Variants in ENOX1 observed in about 807,000 individuals in gnomAD.
The protein encoded by ENOX1 is candidate growth-related and time keeping constitutive hydroquinone (NADH) oxidase.
In ENOX1, 42 loss-of-function variants were observed where a neutral mutation model predicts 82.5. The ratio of observed to expected loss-of-function variants is 0.51; its 90% CI spans 0.40 to 0.66. The LOEUF (loss-of-function observed/expected upper bound fraction) is 0.66, where lower values mean the gene tolerates loss of function less well. Ranked by LOEUF, ENOX1 falls within the 30% of genes least tolerant of loss-of-function variation. ENOX1 has a pLI of 0.00. For missense variants in ENOX1, 608 were observed against 811.6 expected (o/e 0.75, Z 3.05); for synonymous variants, 271 against 282.2 (o/e 0.96, Z 0.40).
At chr13:43,514,785 A>G (rs78864735) in intron 2 of ENOX1, among the ~76,000 whole-genome samples, 2,101 of 152,198 alleles carry the variant, frequency 0.014, 42 homozygotes, top group African/African-American at 0.047. Context: ...CCCATCACCT[A>G]TGTCTGCTGA....
At chr13:43,724,796 C>T (rs567323271) in intron 1 of ENOX1, among the ~76,000 whole-genome samples, 4 of 152,274 alleles carry the variant, frequency 2.6e-5, no homozygotes, top group South Asian at 2.1e-4. Flanking sequence ...CGGCTCTTGC[C>T]TGTCTTTCCC....
At chr13:43,675,944 C>G (rs1427249261) in intron 1 of ENOX1, among the ~76,000 whole-genome samples, 1 of 152,176 alleles carries the variant, frequency 6.6e-6, no homozygotes, top group African/African-American at 2.4e-5. Flanking sequence ...ACCAAAAGAT[C>G]GTTAACACCA....
intron 2 of ENOX1, among the ~76,000 whole-genome samples, chr13:43,596,501 A>G (rs1015994674): frequency 2.0e-5 from 3 of 152,258 alleles, no homozygotes; most frequent in African/African-American, 7.2e-5. Flanking sequence ...GCTTTTAGAC[A>G]TGGAAGTCCT....
chr13:43,244,852 C>T (rs543569909), intron 14 of ENOX1, among the ~76,000 whole-genome samples: 3 of 152,314 alleles, frequency 2.0e-5, no homozygotes, highest in African/African-American at 4.8e-5. Flanking sequence ...GTGCTGTTGG[C>T]TCAGTTCTGC....
intron 5 of ENOX1, among the ~76,000 whole-genome samples, chr13:43,392,443 G>A (rs887993675): frequency 6.6e-6 from 1 of 152,138 alleles, no homozygotes; most frequent in African/African-American, 2.4e-5. Flanking sequence ...CTTTGGGAGG[G>A]CGAGGCGGGT....
At chr13:43,519,984 T>C (rs983642717) in intron 2 of ENOX1, among the ~76,000 whole-genome samples, 1 of 152,272 alleles carries the variant, frequency 6.6e-6, no homozygotes, top group South Asian at 2.1e-4. Context: ...CCTTGCTTTT[T>C]AAGTATTTAC....
intron 1 of ENOX1, among the ~76,000 whole-genome samples, chr13:43,713,423 CT>C (rs1343147420): frequency 6.6e-6 from 1 of 152,064 alleles, no homozygotes; most frequent in Non-Finnish European, 1.5e-5. Context: ...TGATGCTGGC[CT>C]CATAAAATGA....
rs1009391901 is a variant in ENOX1, at chr13:43,307,044, CT to C, written c.1262-8515del. 1.1e-3 allele frequency among the ~76,000 whole-genome samples: 165 copies of C among 152,202 alleles called. 1 individual carries two copies. The highest frequency in any genetic ancestry group is 2.1e-4 in the Non-Finnish European group (14 of 68,002). On this transcript the variant is annotated intron_variant, in intron 11 of 16. Transcript: ENST00000690772. ...TTGCAATAATGGGTTGAACAGAAAA[CT>C]TTTTTTGAAAGTTACTTCCGCCTTA...
intron 7 of ENOX1, among the ~76,000 whole-genome samples, chr13:43,359,089 G>A (rs1466169934): frequency 5.0e-5 from 7 of 140,000 alleles, no homozygotes; most frequent in Admixed American, 4.9e-4. Context: ...ACCCCCACCC[G>A]CTACTGTTTT....
chr13:43,553,269 C>A (rs1169733807), intron 2 of ENOX1, among the ~76,000 whole-genome samples: 1 of 152,138 alleles, frequency 6.6e-6, no homozygotes, highest in Non-Finnish European at 1.5e-5. Context: ...GGAAATCTTG[C>A]ATTGAGCAGT....
intron 15 of ENOX1, among the ~76,000 whole-genome samples, chr13:43,225,366 G>A (rs1472773731): frequency 6.6e-6 from 1 of 152,186 alleles, no homozygotes; most frequent in African/African-American, 2.4e-5. Context: ...TCAGAGTCAT[G>A]CAATAGGCCT....
intron 2 of ENOX1, among the ~76,000 whole-genome samples, chr13:43,619,130 C>T (rs1037997425): frequency 6.6e-6 from 1 of 151,924 alleles, no homozygotes; most frequent in African/African-American, 2.4e-5. Context: ...AGTTCTAGAA[C>T]CTTTCTGGAG....
intron 1 of ENOX1, among the ~76,000 whole-genome samples, chr13:43,685,165 GAC>G (rs2086001008): frequency 6.6e-6 from 1 of 152,098 alleles, no homozygotes; most frequent in Non-Finnish European, 1.5e-5. Flanking sequence ...TCACCCGGAC[GAC>G]ACTTTCCTAC....
chr13:43,434,276 T>C (rs183560609), intron 3 of ENOX1, among the ~76,000 whole-genome samples: 81 of 152,350 alleles, frequency 5.3e-4, no homozygotes, highest in Non-Finnish European at 8.5e-4. Flanking sequence ...TGTGCTCATA[T>C]GCTTTTTTTG....
At chr13:43,462,746 G>A (rs953593986) in intron 3 of ENOX1, among the ~76,000 whole-genome samples, 1 of 152,118 alleles carries the variant, frequency 6.6e-6, no homozygotes, top group Non-Finnish European at 1.5e-5. Context: ...AATCTTTTCT[G>A]CTAATAATGG....
rs2048108509 is a variant in ENOX1, at chr13:43,326,277, C to T, written c.1143+142G>A. ...TTTCTGGACAAGGAACAAATCTCAG[C>T]TGCATTTGGAGCTGACAGTGAGATC... On this transcript the variant is annotated intron_variant, in intron 10 of 16. Transcript: ENST00000690772. 9 of 687,818 alleles carry T rather than the reference C, an allele frequency of 1.3e-5. No homozygotes were observed. The South Asian group carries it at 1.7e-4, about 13-fold the overall frequency. 42.6% of individuals were successfully genotyped at this position (687,818 alleles called of 1,614,324 possible).
intron 16 of ENOX1, among the ~76,000 whole-genome samples, chr13:43,221,900 A>T (rs2041809358): frequency 6.6e-6 from 1 of 152,182 alleles, no homozygotes; most frequent in South Asian, 2.1e-4. Context: ...TGGATTAAAA[A>T]GTCTAAATAT....
At chr13:43,466,878 A>G (rs1239905467) in intron 3 of ENOX1, among the ~76,000 whole-genome samples, 1 of 152,128 alleles carries the variant, frequency 6.6e-6, no homozygotes, top group Non-Finnish European at 1.5e-5. Flanking sequence ...TTTTCATATA[A>G]ATGGAATCAG....
intron 1 of ENOX1, among the ~76,000 whole-genome samples, chr13:43,779,775 T>C (rs1411975841): frequency 6.6e-6 from 1 of 152,176 alleles, no homozygotes; most frequent in African/African-American, 2.4e-5. Context: ...CCAACCTCCA[T>C]GCACAGTCCA....
Sources: allele counts gnomAD v4.1 joint callset (sites outside exome capture counted in the v4.1 genomes callset), GRCh38; gene constraint gnomAD v4.1.1; transcripts MANE v1.5; gene names NCBI Gene and HGNC (gene_info 2026-07-23, HGNC 2026-07-21).